Variants in ASCC1 observed in about 807,000 individuals in gnomAD.
ASCC1 encodes the protein ASC-1 complex subunit P50.
ASCC1 carries 35 observed loss-of-function variants against 46.6 expected under a neutral mutation model. The ratio of observed to expected loss-of-function variants is 0.75; its 90% CI spans 0.57 to 0.99. The LOEUF (loss-of-function observed/expected upper bound fraction) is 0.99, where lower values mean the gene tolerates loss of function less well. ASCC1 is among the 50% of genes least tolerant of loss of function. ASCC1 has a pLI of 0.00. For synonymous variants in ASCC1, 143 were observed against 146.6 expected, an observed-to-expected ratio of 0.98 and a Z score of 0.18; for missense variants, 376 against 428.7, an observed-to-expected ratio of 0.88 and a Z score of 1.09.
At chr10:72,194,074 C>T (rs925843699) in intron 5 of ASCC1, among the ~76,000 whole-genome samples, 2 of 151,270 alleles carry the variant, frequency 1.3e-5, no homozygotes, top group Non-Finnish European at 2.9e-5. Flanking sequence ...AATCTAGAGA[C>T]GGGGTTTCAC....
At chr10:72,213,615 A>G (rs886974182) in intron 1 of ASCC1, among the ~76,000 whole-genome samples, 65 of 151,366 alleles carry the variant, frequency 4.3e-4, no homozygotes, top group Middle Eastern at 3.4e-3. Flanking sequence ...AAAAAAAAAA[A>G]AAGAAGGAAG....
chr10:72,188,411 G>A (rs529676194), intron 5 of ASCC1, among the ~76,000 whole-genome samples: 6 of 151,840 alleles, frequency 4.0e-5, no homozygotes, highest in African/African-American at 1.2e-4. Context: ...GAGCCACCAC[G>A]CCCGACCTGG....
intron 9 of ASCC1, among the ~76,000 whole-genome samples, chr10:72,123,935 A>T (rs762005985): frequency 1.3e-5 from 2 of 152,246 alleles, no homozygotes; most frequent in Non-Finnish European, 2.9e-5. Context: ...ATACACATAT[A>T]TATTTCAGCA....
rs184490340 is a variant in ASCC1, at chr10:72,148,381, A to G, written c.746+4488T>C. Among the ~76,000 whole-genome samples the G allele has an allele frequency of 1.1e-4, 17 of 152,374 alleles. No individual in the cohort carries two copies. The East Asian group carries it at 3.3e-3, about 29-fold the overall frequency. On this transcript the variant is annotated intron_variant, in intron 7 of 9. Coordinates refer to ENST00000672957, the MANE Select transcript of ASCC1 (RefSeq NM_001198800.3). ...GAAAAACGCACTTGTGAGCTGTCTG[A>G]ATTGTGAGCTGAACTAGTCTTGATC...
chr10:72,213,385 C>A, intron 1 of ASCC1, 54 bp from the exon 2 acceptor site: 1 of 944,172 alleles, frequency 1.1e-6, no homozygotes, highest in East Asian at 2.5e-5. Context: ...AAACTCCTAT[C>A]TCTAGTGTCT....
In ASCC1 at chr10:72,097,151, C is replaced by T; in HGVS notation, c.*183G>A. On this transcript the variant is annotated 3_prime_UTR_variant, in exon 10 of 10. Coordinates refer to ENST00000672957, the MANE Select transcript of ASCC1 (RefSeq NM_001198800.3). The stretch of plus-strand genomic sequence containing the variant: ...AGGCACAAATTCTCCTTATGCCCAC[C>T]ACCATCTCAGCTGGTAGTATGACGG... 1 of 694,676 alleles carries T rather than the reference C, an allele frequency of 1.4e-6. No homozygotes were observed. The highest frequency in any genetic ancestry group is 2.7e-4 in the Middle Eastern group (1 of 3,770). 43.0% of individuals were successfully genotyped at this position (694,676 alleles called of 1,614,324 possible).
chr10:72,199,355 T>C (rs1856147557), intron 4 of ASCC1, among the ~76,000 whole-genome samples: 1 of 147,096 alleles, frequency 6.8e-6, no homozygotes, highest in South Asian at 2.2e-4. Flanking sequence ...TGGAGTGCAG[T>C]GGCACGATCT....
intron 3 of ASCC1, among the ~76,000 whole-genome samples, chr10:72,204,023 C>CA (rs1036144869): frequency 9.9e-5 from 15 of 152,156 alleles, no homozygotes; most frequent in African/African-American, 3.1e-4. Flanking sequence ...CTGAGGTGGG[C>CA]AGATTGCCTG....
At chr10:72,097,694 A>T (rs1473064863) in intron 9 of ASCC1, among the ~76,000 whole-genome samples, 1 of 152,208 alleles carries the variant, frequency 6.6e-6, no homozygotes, top group Non-Finnish European at 1.5e-5. Context: ...TGCACCAGAG[A>T]AAGAGGTTCT....
chr10:72,194,445 T>C (rs1330517609), intron 5 of ASCC1, among the ~76,000 whole-genome samples: 1 of 151,798 alleles, frequency 6.6e-6, no homozygotes, highest in Non-Finnish European at 1.5e-5. Flanking sequence ...AACTCTAGTT[T>C]GGAGCATAAA....
upstream of ASCC1, chr10:72,217,121 T>C (rs1164575817): frequency 2.2e-6 from 1 of 450,748 alleles, no homozygotes; most frequent in Non-Finnish European, 4.4e-6. Flanking sequence ...GTGCTCGGCA[T>C]TGAGGGTAGA....
At chr10:72,181,510 T>C (rs1214635675) in intron 5 of ASCC1, among the ~76,000 whole-genome samples, 1 of 152,004 alleles carries the variant, frequency 6.6e-6, no homozygotes, top group Non-Finnish European at 1.5e-5. Flanking sequence ...ACAAACAGAT[T>C]TTAACATTAT....
chr10:72,144,019 T>C (rs1156810529), intron 7 of ASCC1, among the ~76,000 whole-genome samples: 3 of 151,862 alleles, frequency 2.0e-5, no homozygotes, highest in Non-Finnish European at 4.4e-5. Context: ...TTTTTAACAG[T>C]CTCACTCTGT....
chr10:72,160,911 G>A (rs866897379), intron 6 of ASCC1, among the ~76,000 whole-genome samples: 40 of 151,584 alleles, frequency 2.6e-4, no homozygotes, highest in African/African-American at 6.8e-4. Flanking sequence ...GTGAAACCCC[G>A]TCTCTACTAA....
chr10:72,125,512 A>G (rs1161412361), intron 9 of ASCC1, among the ~76,000 whole-genome samples: 1 of 152,226 alleles, frequency 6.6e-6, no homozygotes, highest in Non-Finnish European at 1.5e-5. Context: ...TTCAGGAGCC[A>G]TGGATTCTCA....
chr10:72,203,301 A>C, intron 4 of ASCC1, 126 bp downstream of exon 4: 1 of 782,190 alleles, frequency 1.3e-6, no homozygotes, highest in South Asian at 1.5e-5. Context: ...AAAAAAAAAA[A>C]GAAAAGAAAA....
chr10:72,110,914 C>A (rs1247172269), intron 9 of ASCC1, among the ~76,000 whole-genome samples: 1 of 152,188 alleles, frequency 6.6e-6, no homozygotes, highest in Non-Finnish European at 1.5e-5. Flanking sequence ...AGAGAGGCTG[C>A]CACATGTTAT....
chr10:72,140,408 T>C (rs1445932945), intron 7 of ASCC1, among the ~76,000 whole-genome samples: 3 of 152,172 alleles, frequency 2.0e-5, no homozygotes, highest in African/African-American at 7.2e-5. Context: ...TCTTGAATGC[T>C]AGACTGAGGA....
At chr10:72,207,210 A>G (rs1343213358) in intron 3 of ASCC1, among the ~76,000 whole-genome samples, 1 of 152,172 alleles carries the variant, frequency 6.6e-6, no homozygotes, top group Non-Finnish European at 1.5e-5. Flanking sequence ...TCATGAGTTC[A>G]AGACCAGCCT....
Sources: allele counts gnomAD v4.1 joint callset (sites outside exome capture counted in the v4.1 genomes callset), GRCh38; gene constraint gnomAD v4.1.1; transcripts MANE v1.5; gene names NCBI Gene and HGNC (gene_info 2026-07-23, HGNC 2026-07-21).